CUL4A: variants seen among roughly 807,000 people sequenced by gnomAD.
The protein encoded by CUL4A is cullin-4A.
In CUL4A, 16 loss-of-function variants were observed where a neutral mutation model predicts 95.5. That is an observed-to-expected ratio of 0.17 (90% CI 0.11 to 0.25). CUL4A has a LOEUF of 0.25. CUL4A is among the 10% of genes least tolerant of loss of function. The pLI, the probability that CUL4A is intolerant of heterozygous loss-of-function variation, is 1.00. For synonymous variants in CUL4A, 380 were observed against 353.1 expected (o/e 1.08, Z -0.85); for missense variants, 610 against 937.0 (o/e 0.65, Z 4.56).
intron 5 of CUL4A, 83 bp downstream of exon 5, chr13:113,229,602 G>A (rs1451471588): frequency 3.5e-6 from 4 of 1,132,114 alleles, no homozygotes; most frequent in African/African-American, 3.1e-5. Context: ...AGGCTAAGAT[G>A]GTAAAGTGTG....
intron 11 of CUL4A, among the ~76,000 whole-genome samples, chr13:113,243,562 T>C (rs1472559420): frequency 6.6e-6 from 1 of 152,048 alleles, no homozygotes; most frequent in Non-Finnish European, 1.5e-5. Context: ...TATTTCAGAA[T>C]TCATAGGCTT....
intron 3 of CUL4A, among the ~76,000 whole-genome samples, chr13:113,223,244 G>A (rs2040967589): frequency 6.6e-6 from 1 of 152,176 alleles, no homozygotes; most frequent in Non-Finnish European, 1.5e-5. Flanking sequence ...ACCCAGCCCA[G>A]TCTCACCTGG....
intron 2 of CUL4A, among the ~76,000 whole-genome samples, chr13:113,212,243 A>C (rs558783650): frequency 2.0e-4 from 31 of 152,308 alleles, no homozygotes; most frequent in Non-Finnish European, 2.6e-4. Context: ...CTTTCTGCCT[A>C]GTCTTCAACT....
At chr13:113,254,895 T>G in intron 17 of CUL4A, 58 bp from the exon 18 acceptor site, 1 of 1,599,490 alleles carries the variant, frequency 6.3e-7, no homozygotes, top group Non-Finnish European at 8.5e-7. Context: ...ATTGGTTTAC[T>G]GTTGTTGAGT....
chr13:113,246,194 T>A (rs2041852592), intron 15 of CUL4A, 131 bp downstream of exon 15: 1 of 662,310 alleles, frequency 1.5e-6, no homozygotes, highest in Non-Finnish European at 2.6e-6. Context: ...CAAAGTGCTC[T>A]TATGGTCTTT....
chr13:113,239,338 T>C, intron 9 of CUL4A, 95 bp from the exon 10 acceptor site: 1 of 1,029,272 alleles, frequency 9.7e-7, no homozygotes, highest in Non-Finnish European at 1.5e-6. Flanking sequence ...TTCTAAGCGG[T>C]GTATTGACGT....
intron 4 of CUL4A, 82 bp from the exon 5 acceptor site, chr13:113,229,364 C>T: frequency 1.4e-5 from 16 of 1,139,312 alleles, no homozygotes; most frequent in East Asian, 2.4e-5. Context: ...TTTGAGACAG[C>T]TAGCATGGAG....
chr13:113,244,301 TA>T (rs2041800117), intron 11 of CUL4A, 108 bp from the exon 12 acceptor site: 7 of 753,884 alleles, frequency 9.3e-6, no homozygotes, highest in Non-Finnish European at 1.3e-5. Context: ...TTTTGTCATA[TA>T]GTCATTTTGG....
intron 16 of CUL4A, among the ~76,000 whole-genome samples, chr13:113,253,582 A>G (rs186279943): frequency 7.4e-4 from 112 of 152,352 alleles, no homozygotes; most frequent in African/African-American, 2.4e-3. Flanking sequence ...AAAATTAAAA[A>G]AAACAGACTC....
intron 3 of CUL4A, among the ~76,000 whole-genome samples, chr13:113,224,123 T>C (rs958548863): frequency 1.1e-4 from 16 of 152,210 alleles, no homozygotes; most frequent in Middle Eastern, 6.8e-3. Context: ...GAGGCCAAGG[T>C]GGGCGGATCA....
rs148925553 is a variant in CUL4A at position 113,239,596 on chromosome 13, G to T, written c.1035+45G>T. On this transcript the variant is annotated intron_variant, in intron 10 of 19. Transcript: ENST00000375440. ...GCCGCGGGCGTGGGCATTCCCTGCA[G>T]GGAGCAGAGCCCCTCCTGAGAACGC... is the stretch of plus-strand genomic sequence containing the variant. 8.5e-5 allele frequency: 125 copies of T among 1,467,872 alleles called. No individual in the cohort carries two copies. In the African/African-American group the frequency reaches 1.6e-3, roughly 19 times the overall value. The allele number at this position is 1,467,872 out of a possible 1,614,324, so 90.9% of individuals were successfully genotyped here. A position where few individuals can be genotyped will look rare whatever the true frequency, so the allele number is the denominator to read the frequency against.
At chr13:113,244,299 T>C (rs2041799897) in intron 11 of CUL4A, 111 bp from the exon 12 acceptor site, 3 of 744,664 alleles carry the variant, frequency 4.0e-6, no homozygotes, top group Non-Finnish European at 6.7e-6. Flanking sequence ...TTTTTTGTCA[T>C]ATAGTCATTT....
chr13:113,209,008 T>G, upstream of CUL4A: 2 of 737,022 alleles, frequency 2.7e-6, no homozygotes, highest in Non-Finnish European at 3.3e-6. Flanking sequence ...CGCGCCTGGC[T>G]GGGCCAGGGC....
At chr13:113,208,529 G>A, upstream of CUL4A, 2 of 1,576,430 alleles carry the variant, frequency 1.3e-6, no homozygotes, top group South Asian at 1.2e-5. Flanking sequence ...GAGGGTCCAA[G>A]GCAGGAGGGG....
Position 113,263,646 on chromosome 13 carries a change from C to A in CUL4A, c.*64C>A. 1 of 1,055,112 alleles carries A rather than the reference C, an allele frequency of 9.5e-7. No individual in the cohort carries two copies. The highest frequency in any genetic ancestry group is 1.4e-6 in the Non-Finnish European group (1 of 715,248). 65.4% of individuals were successfully genotyped at this position (1,055,112 alleles called of 1,614,324 possible). A position where few individuals can be genotyped will look rare whatever the true frequency, so the allele number is the denominator to read the frequency against. On this transcript the variant is annotated 3_prime_UTR_variant, in exon 20 of 20. Coordinates refer to ENST00000375440, the MANE Select transcript of CUL4A (RefSeq NM_001008895.4). ...TGTACCCTCAGAGCAGGAAGCACAC[C>A]TGTGCCATTTCTGGGACTCTGATTG... is the stretch of plus-strand genomic sequence containing the variant.
chr13:113,258,784 A>G (rs1186691018), intron 18 of CUL4A, among the ~76,000 whole-genome samples: 6 of 152,250 alleles, frequency 3.9e-5, no homozygotes, highest in Non-Finnish European at 8.8e-5. Flanking sequence ...TACTGTCGTC[A>G]GCCAACGCTT....
chr13:113,253,235 T>C, intron 16 of CUL4A, 40 bp downstream of exon 16: 1 of 1,092,938 alleles, frequency 9.1e-7, no homozygotes, highest in Non-Finnish European at 1.3e-6. Context: ...TATTTGTAAA[T>C]ATGTTAATAT....
chr13:113,252,952 G>T lies in CUL4A; in HGVS notation c.1639-130G>T, dbSNP rs556474082. 4.6e-5 allele frequency: 23 copies of T among 502,134 alleles called. No homozygotes were observed. The South Asian group carries it at 9.3e-4, about 20-fold the overall frequency. 31.1% of individuals were successfully genotyped at this position (502,134 alleles called of 1,614,324 possible). On this transcript the variant is annotated intron_variant, in intron 15 of 19. Transcript: ENST00000375440. Reference sequence around the variant, plus strand: ...ACGTTTTTACAAATAATGGAATCCAGAAAGTGTGAGAATATAGAGCTGACC... The same window carrying T: ...ACGTTTTTACAAATAATGGAATCCATAAAGTGTGAGAATATAGAGCTGACC...
upstream of CUL4A, chr13:113,208,484 G>T: frequency 1.3e-6 from 2 of 1,540,950 alleles, no homozygotes; most frequent in Admixed American, 2.0e-5. Context: ...GACCCGAACG[G>T]AAGAAGGGTG....
Sources: allele counts gnomAD v4.1 joint callset (sites outside exome capture counted in the v4.1 genomes callset), GRCh38; gene constraint gnomAD v4.1.1; transcripts MANE v1.5; gene names NCBI Gene and HGNC (gene_info 2026-07-23, HGNC 2026-07-21).